NMBR: variants seen among roughly 807,000 people sequenced by gnomAD.
The protein encoded by NMBR is neuromedin B receptor.
In NMBR, 16 loss-of-function variants were observed where a neutral mutation model predicts 20.5. The ratio of observed to expected loss-of-function variants is 0.78; its 90% confidence interval spans 0.53 to 1.19. The LOEUF is 1.19. Among genes scored for constraint, NMBR ranks in the 50% most tolerant of loss-of-function variants. The probability of loss-of-function intolerance (pLI) is 0.00; values close to 1 mark genes in which losing one functional copy is unlikely to be tolerated. For missense variants in NMBR, 582 were observed against 499.1 expected (o/e 1.17, Z -1.58); for synonymous variants, 212 against 196.6 (o/e 1.08, Z -0.65).
intron 1 of NMBR, among the ~76,000 whole-genome samples, chr6:142,113,023 C>T (rs1486728021): frequency 1.3e-5 from 2 of 151,986 alleles, no homozygotes; most frequent in Non-Finnish European, 2.9e-5. Context: ...AATGTAAAAG[C>T]ATTATTCCAT....
rs140282009 is a variant in NMBR, at chr6:142,138,868, A to T, written c.-664+8176T>A. Reference sequence around the variant, plus strand: ...ATTCTTCAACTTAGTTCTGGAGCACAGTTAAGTTACTTGGAAACAGATGAT... The same window carrying T: ...ATTCTTCAACTTAGTTCTGGAGCACTGTTAAGTTACTTGGAAACAGATGAT... On this transcript the variant is annotated intron_variant, in intron 1 of 3. Transcript: ENST00000258042. Among the ~76,000 whole-genome samples the T allele has an allele frequency of 6.5e-4, 99 of 152,302 alleles. No individual in the cohort carries two copies. In the East Asian group the frequency reaches 0.019, roughly 29 times the overall value.
At chr6:142,117,305 C>G (rs549518806) in intron 1 of NMBR, among the ~76,000 whole-genome samples, 1 of 152,000 alleles carries the variant, frequency 6.6e-6, no homozygotes, top group Non-Finnish European at 1.5e-5. Context: ...ATAATCACCT[C>G]ACATATAGTT....
chr6:142,119,164 G>A (rs570523296), intron 1 of NMBR, among the ~76,000 whole-genome samples: 35 of 151,994 alleles, frequency 2.3e-4, no homozygotes, highest in Admixed American at 9.8e-4. Context: ...AATGACATAA[G>A]CTGGCTGAAA....
At chr6:142,085,186 C>A (rs1435983809) in intron 2 of NMBR, among the ~76,000 whole-genome samples, 1 of 152,148 alleles carries the variant, frequency 6.6e-6, no homozygotes, top group Non-Finnish European at 1.5e-5. Flanking sequence ...AGGGATGTGT[C>A]TGCTGAAACT....
chr6:142,105,292 G>A (rs1341419253), intron 1 of NMBR, among the ~76,000 whole-genome samples: 1 of 152,122 alleles, frequency 6.6e-6, no homozygotes, highest in Non-Finnish European at 1.5e-5. Flanking sequence ...GGATGTATAC[G>A]TGCAGGTCAC....
intron 1 of NMBR, among the ~76,000 whole-genome samples, chr6:142,119,223 A>T (rs1448798557): frequency 6.6e-6 from 1 of 152,008 alleles, no homozygotes. Flanking sequence ...ATAGTTGTAC[A>T]CTGTCAGCAG....
chr6:142,145,032 A>AAC (rs1778408664), intron 1 of NMBR, among the ~76,000 whole-genome samples: 2 of 151,356 alleles, frequency 1.3e-5, no homozygotes, highest in Non-Finnish European at 2.9e-5. Context: ...AAAAAAAAAA[A>AAC]AAAAAAAGAA....
Position 142,075,548 on chromosome 6 carries a change from T to C in NMBR, c.*100A>G, listed in dbSNP as rs1172638928. 2.6e-6 allele frequency: 3 copies of C among 1,147,506 alleles called. No individual in the cohort carries two copies. The highest frequency in any genetic ancestry group is 3.7e-6 in the Non-Finnish European group (3 of 812,808). The allele number at this position is 1,147,506 out of a possible 1,614,324, so 71.1% of individuals were successfully genotyped here. ...GCATTTTCTGAGTCAATCATGCAAT[T>C]GCCTAATAAATTAGCTAAGCAACAG... On this transcript the variant is annotated 3_prime_UTR_variant, in exon 4 of 4. Transcript: ENST00000258042.
At chr6:142,091,410 A>G (rs1777320956) in intron 1 of NMBR, among the ~76,000 whole-genome samples, 1 of 152,080 alleles carries the variant, frequency 6.6e-6, no homozygotes, top group Non-Finnish European at 1.5e-5. Context: ...TTTTTTGTAG[A>G]CATGGGGTCT....
At chr6:142,096,612 T>C (rs1371481548) in intron 1 of NMBR, among the ~76,000 whole-genome samples, 3 of 152,194 alleles carry the variant, frequency 2.0e-5, no homozygotes, top group African/African-American at 7.2e-5. Context: ...AATTTTGGAA[T>C]AGGTGTGGTG....
chr6:142,082,043 TAAAAC>T (rs1777108087), intron 2 of NMBR, among the ~76,000 whole-genome samples: 1 of 152,182 alleles, frequency 6.6e-6, no homozygotes, highest in Admixed American at 6.5e-5. Flanking sequence ...AGTTTAATCA[TAAAAC>T]AAAATACATA....
chr6:142,082,703 C>T (rs1181145854), intron 2 of NMBR, among the ~76,000 whole-genome samples: 1 of 152,176 alleles, frequency 6.6e-6, no homozygotes, highest in East Asian at 1.9e-4. Flanking sequence ...GCAATGGGTG[C>T]ACATTCAGCA....
chr6:142,095,014 A>T (rs7449484), intron 1 of NMBR, among the ~76,000 whole-genome samples: 1 of 151,944 alleles, frequency 6.6e-6, no homozygotes, highest in Non-Finnish European at 1.5e-5. Flanking sequence ...TATCCTGAGA[A>T]TTTGCTGGAG....
intron 1 of NMBR, among the ~76,000 whole-genome samples, chr6:142,117,649 T>C (rs781259801): frequency 1.3e-4 from 20 of 151,974 alleles, no homozygotes; most frequent in Non-Finnish European, 2.2e-4. Context: ...ATCTGGAGTT[T>C]ATGCACATAA....
At chr6:142,131,382 C>T (rs571551511) in intron 1 of NMBR, among the ~76,000 whole-genome samples, 16 of 152,296 alleles carry the variant, frequency 1.1e-4, no homozygotes, top group Non-Finnish European at 1.9e-4. Context: ...TTTCTCAAAT[C>T]TAGGTTCATT....
At chr6:142,086,862 T>C (rs939127205) in intron 2 of NMBR, among the ~76,000 whole-genome samples, 1 of 152,160 alleles carries the variant, frequency 6.6e-6, no homozygotes. Flanking sequence ...AAAAGCACAA[T>C]GATAGTAATT....
At position 142,125,277 on chromosome 6, in the gene NMBR, T is replaced by C. The variant is rs115493566; in HGVS notation, c.-664+21767A>G. Among the ~76,000 whole-genome samples, 933 of 151,894 alleles carry C rather than the reference T, an allele frequency of 6.1e-3. 9 individuals carry two copies. Among genetic ancestry groups the C allele is most frequent in the African/African-American group, 0.021 (882 of 41,478 alleles). On this transcript the variant is annotated intron_variant, in intron 1 of 3. Transcript: ENST00000258042. Reference sequence around the variant, plus strand: ...ATGCAAAATACTGAGAATCAAAAAATGGTAGAGAGGAAACATATATAGAGA... The same window carrying C: ...ATGCAAAATACTGAGAATCAAAAAACGGTAGAGAGGAAACATATATAGAGA...
chr6:142,076,061 AG>A lies in NMBR; in HGVS notation c.772-13del, dbSNP rs1776940583. ...TTCCGTGTTTCCATCTGCAAATATAAGAAATTGATCCCATTGGTTAAAGTGA... is the reference window on the plus strand; with the variant it reads ...TTCCGTGTTTCCATCTGCAAATATAAAAATTGATCCCATTGGTTAAAGTGA... On this transcript the variant is annotated splice_polypyrimidine_tract_variant and intron_variant, in intron 3 of 3. Transcript: ENST00000258042. 1.9e-6 allele frequency: 3 copies of A among 1,553,956 alleles called. No homozygotes were observed. Among genetic ancestry groups the A allele is most frequent in the Non-Finnish European group, 2.6e-6 (3 of 1,154,346 alleles).
intron 1 of NMBR, chr6:142,134,923 C>A (rs1376705071): frequency 3.6e-6 from 2 of 550,068 alleles, no homozygotes; most frequent in Non-Finnish European, 3.2e-6. Flanking sequence ...CAGACAATGA[C>A]CAAATAATTA....
Sources: gnomAD v4.1 joint callset for allele counts (sites outside exome capture counted in the v4.1 genomes callset) on GRCh38, gnomAD v4.1.1 for gene constraint, MANE v1.5 for transcripts, NCBI Gene and HGNC (gene_info 2026-07-23, HGNC 2026-07-21) for gene names.